Variants in UBE2Q2 observed in about 807,000 individuals in gnomAD.
The protein encoded by UBE2Q2 is ubiquitin conjugating enzyme E2 Q2.
A neutral mutation model predicts 59.9 loss-of-function variants in UBE2Q2; 54 were observed. That is an observed-to-expected ratio of 0.90 (90% CI 0.72 to 1.13). UBE2Q2 has a LOEUF of 1.13. UBE2Q2 is among the 50% of genes most tolerant of loss of function. The probability of loss-of-function intolerance (pLI) is 0.00; values close to 1 mark genes in which losing one functional copy is unlikely to be tolerated. For missense variants in UBE2Q2, 433 were observed against 441.9 expected (o/e 0.98, Z 0.18); for synonymous variants, 165 against 155.2 (o/e 1.06, Z -0.47).
At chr15:75,844,006 G>A (rs1450429126) in intron 1 of UBE2Q2, 160 bp downstream of exon 1, 1 of 1,411,142 alleles carries the variant, frequency 7.1e-7, no homozygotes, top group Non-Finnish European at 9.2e-7. Flanking sequence ...AGGCCGGGCT[G>A]GGACTGCGCG....
At chr15:75,868,847 C>G in intron 3 of UBE2Q2, 104 bp from the exon 4 acceptor site, 2 of 891,650 alleles carry the variant, frequency 2.2e-6, no homozygotes, top group Non-Finnish European at 3.6e-6. Flanking sequence ...GGTAGTGGGA[C>G]TCCAGTGACA....
intron 2 of UBE2Q2, 78 bp downstream of exon 2, chr15:75,854,565 G>T: frequency 1.2e-6 from 1 of 837,680 alleles, no homozygotes; most frequent in South Asian, 2.0e-5. Context: ...GAGATAATAT[G>T]ATATAAAAGC....
intron 9 of UBE2Q2, among the ~76,000 whole-genome samples, chr15:75,886,670 C>T (rs1041087168): frequency 1.3e-5 from 2 of 151,762 alleles, no homozygotes; most frequent in Non-Finnish European, 2.9e-5. Context: ...GGTGGATCAT[C>T]TGAGTCAGGA....
At chr15:75,899,293 A>C in intron 12 of UBE2Q2, 134 bp from the exon 13 acceptor site, 3 of 254,776 alleles carry the variant, frequency 1.2e-5, no homozygotes, top group Non-Finnish European at 7.0e-6. Context: ...TATATATAAT[A>C]TATATATATA....
intron 1 of UBE2Q2, among the ~76,000 whole-genome samples, chr15:75,848,267 G>A (rs996752103): frequency 6.6e-5 from 10 of 152,194 alleles, no homozygotes; most frequent in Non-Finnish European, 1.3e-4. Context: ...GGGAAATAAA[G>A]CAATGCTGTT....
intron 9 of UBE2Q2, 123 bp downstream of exon 9, chr15:75,883,547 C>A: frequency 1.5e-6 from 1 of 661,550 alleles, no homozygotes; most frequent in Non-Finnish European, 2.6e-6. Context: ...AGTGATCCTC[C>A]CACCTTGGCC....
chr15:75,890,902 A>G lies in UBE2Q2; in HGVS notation c.934-17A>G. ...AGAAATACTACTGTATTTTAGAGATACTTTGTTCTTCTGTAGGGCTGGAGC... is the reference window on the plus strand; with the variant it reads ...AGAAATACTACTGTATTTTAGAGATGCTTTGTTCTTCTGTAGGGCTGGAGC... On this transcript the variant is annotated splice_polypyrimidine_tract_variant and intron_variant, in intron 10 of 12. Transcript: ENST00000267938. 2 of 1,607,286 alleles carry G rather than the reference A, an allele frequency of 1.2e-6. No homozygotes were observed. Among genetic ancestry groups the G allele is most frequent in the Non-Finnish European group, 1.7e-6 (2 of 1,174,506 alleles).
At chr15:75,854,549 T>C in intron 2 of UBE2Q2, 62 bp downstream of exon 2, 1 of 989,324 alleles carries the variant, frequency 1.0e-6, no homozygotes, top group South Asian at 1.6e-5. Context: ...AGAAATTAAA[T>C]GTTAAGAGAT....
intron 11 of UBE2Q2, among the ~76,000 whole-genome samples, chr15:75,894,475 T>G (rs1451817101): frequency 2.0e-5 from 3 of 152,012 alleles, no homozygotes; most frequent in Non-Finnish European, 4.4e-5. Flanking sequence ...TCCCAACTAC[T>G]CAGGAGGCTG....
In UBE2Q2 at chr15:75,853,663, A is replaced by G. The variant is rs1397707622; in HGVS notation, c.181-723A>G. On this transcript the variant is annotated intron_variant, in intron 1 of 12. Transcript: ENST00000267938. ...TTATCAGCTTAAAGCAACAAACATT[A>G]TCTCACCATTTCTGTGGGTCAGGAT... Among the ~76,000 whole-genome samples, 3 of 152,148 alleles carry G rather than the reference A, an allele frequency of 2.0e-5. No homozygotes were observed. The East Asian group carries it at 5.8e-4, about 29-fold the overall frequency.
At chr15:75,860,012 G>T in intron 3 of UBE2Q2, 30 bp downstream of exon 3, 1 of 1,486,142 alleles carries the variant, frequency 6.7e-7, no homozygotes, top group Admixed American at 2.1e-5. Flanking sequence ...GTGTTCAAGA[G>T]CTAAATAAAT....
At chr15:75,896,094 G>A (rs539448778) in intron 11 of UBE2Q2, among the ~76,000 whole-genome samples, 2 of 152,342 alleles carry the variant, frequency 1.3e-5, no homozygotes, top group African/African-American at 4.8e-5. Flanking sequence ...GGGCAGACCA[G>A]TGTCTGTAGC....
At chr15:75,844,882 G>C (rs1489928110) in intron 1 of UBE2Q2, among the ~76,000 whole-genome samples, 1 of 152,002 alleles carries the variant, frequency 6.6e-6, no homozygotes, top group African/African-American at 2.4e-5. Flanking sequence ...GTGCCTGCAG[G>C]GTGGCTGGCG....
intron 1 of UBE2Q2, chr15:75,844,427 C>T (rs72734531): frequency 0.15 from 232,050 of 1,551,488 alleles, 20,429 homozygotes; most frequent in East Asian, 0.33. Flanking sequence ...CCCTCTCCCC[C>T]GGGCCTGGCT....
intron 1 of UBE2Q2, among the ~76,000 whole-genome samples, chr15:75,849,750 A>G (rs1896539035): frequency 6.6e-6 from 1 of 152,210 alleles, no homozygotes; most frequent in African/African-American, 2.4e-5. Context: ...TGGATGAGGA[A>G]CAAAGGACCT....
chr15:75,850,621 G>A (rs796188574), intron 1 of UBE2Q2, among the ~76,000 whole-genome samples: 6 of 152,300 alleles, frequency 3.9e-5, no homozygotes, highest in African/African-American at 1.4e-4. Flanking sequence ...AGGAAAGATG[G>A]GAGGGAGGTA....
chr15:75,848,419 T>A (rs1295791164), intron 1 of UBE2Q2, among the ~76,000 whole-genome samples: 1 of 152,232 alleles, frequency 6.6e-6, no homozygotes, highest in African/African-American at 2.4e-5. Flanking sequence ...CCTTTCCAAA[T>A]TGAATTCATG....
chr15:75,876,099 C>CATTTTTGCTG, intron 5 of UBE2Q2, 88 bp from the exon 6 acceptor site: 1 of 1,177,514 alleles, frequency 8.5e-7, no homozygotes, highest in South Asian at 1.4e-5. Context: ...AGTGGTGATC[C>CATTTTTGCTG]ATTTTTGCTG....
chr15:75,853,468 C>T (rs558747273), intron 1 of UBE2Q2, among the ~76,000 whole-genome samples: 30 of 146,886 alleles, frequency 2.0e-4, no homozygotes, highest in Middle Eastern at 3.5e-3. Context: ...GACTCTGTCT[C>T]GAGGAAAAAA....
Sources: gnomAD v4.1 joint callset for allele counts (sites outside exome capture counted in the v4.1 genomes callset) on GRCh38, gnomAD v4.1.1 for gene constraint, MANE v1.5 for transcripts, NCBI Gene and HGNC (gene_info 2026-07-23, HGNC 2026-07-21) for gene names.